MACROD2: variants seen among roughly 807,000 people sequenced by gnomAD.
The protein encoded by MACROD2 is ADP-ribose glycohydrolase MACROD2.
Under a neutral mutation model 70.4 loss-of-function variants are expected in MACROD2, and 36 were observed. The observed-to-expected ratio is 0.51, with a 90% CI of 0.39 to 0.68. The LOEUF (loss-of-function observed/expected upper bound fraction) is 0.68. Ranked by LOEUF, MACROD2 falls within the 30% of genes least tolerant of loss-of-function variation. MACROD2 has a pLI of 0.00. For synonymous variants in MACROD2, 172 were observed against 178.8 expected, an observed-to-expected ratio of 0.96 and a Z score of 0.30; for missense variants, 496 against 538.4, an observed-to-expected ratio of 0.92 and a Z score of 0.78.
chr20:15,152,495 A>AAGGGATCGGGGCACAGAGATAAGAGGTTT (rs1351354651), intron 5 of MACROD2, among the ~76,000 whole-genome samples: 1 of 144,494 alleles, frequency 6.9e-6, no homozygotes, highest in Non-Finnish European at 1.5e-5. Context: ...ATAAGAGGTT[A>AAGGGATCGGGGCACAGAGATAAGAGGTTT]GGGCATGGAA....
At chr20:14,892,317 C>A (rs1294402230) in intron 5 of MACROD2, among the ~76,000 whole-genome samples, 2 of 151,414 alleles carry the variant, frequency 1.3e-5, no homozygotes, top group Admixed American at 6.6e-5. Flanking sequence ...ACTAAAAATT[C>A]AAAAAAAATT....
chr20:14,005,990 T>C (rs2052813534), intron 2 of MACROD2, among the ~76,000 whole-genome samples: 1 of 152,242 alleles, frequency 6.6e-6, no homozygotes, highest in Non-Finnish European at 1.5e-5. Context: ...GTCATTGACA[T>C]CCTGCATATA....
chr20:15,958,388 A>G (rs190930398), intron 12 of MACROD2, among the ~76,000 whole-genome samples: 1 of 152,154 alleles, frequency 6.6e-6, no homozygotes, highest in East Asian at 1.9e-4. Flanking sequence ...CCAGTTATTA[A>G]GTGTTTTGAA....
chr20:14,820,398 T>C (rs1393716029), intron 5 of MACROD2, among the ~76,000 whole-genome samples: 1 of 150,020 alleles, frequency 6.7e-6, no homozygotes, highest in Non-Finnish European at 1.5e-5. Context: ...TTTAGTTTTA[T>C]AATTAAAAAG....
At chr20:14,124,146 C>CTA (rs2054617538) in intron 3 of MACROD2, among the ~76,000 whole-genome samples, 1 of 152,114 alleles carries the variant, frequency 6.6e-6, no homozygotes. Flanking sequence ...CATCCAATTC[C>CTA]TAGTGCATGC....
Position 15,529,271 on chromosome 20 carries a change from C to T in MACROD2, c.645+29424C>T, listed in dbSNP as rs58677016. 4.1e-3 allele frequency among the ~76,000 whole-genome samples: 619 copies of T among 149,522 alleles called. 4 individuals are homozygous for T. Among genetic ancestry groups the T allele is most frequent in the African/African-American group, 0.014 (558 of 40,862 alleles). On this transcript the variant is annotated intron_variant, in intron 8 of 17. Coordinates refer to ENST00000684519, the MANE Select transcript of MACROD2 (RefSeq NM_001351661.2). ...TTCTAAATATGTGCTCTGTGGGATG[C>T]GTGTGTGTGTGTGTGCATGCCTGTG...
chr20:14,615,506 A>G (rs1200072150), intron 4 of MACROD2, among the ~76,000 whole-genome samples: 3 of 152,120 alleles, frequency 2.0e-5, no homozygotes, highest in African/African-American at 7.2e-5. Context: ...TTTGATATTT[A>G]AGGATGGGTG....
chr20:15,282,900 A>T (rs1189639246), intron 6 of MACROD2, among the ~76,000 whole-genome samples: 3 of 152,162 alleles, frequency 2.0e-5, no homozygotes, highest in Non-Finnish European at 4.4e-5. Context: ...AAACTGGGTA[A>T]TTTATAAAGG....
At chr20:14,178,753 C>T (rs1447460328) in intron 3 of MACROD2, among the ~76,000 whole-genome samples, 3 of 136,602 alleles carry the variant, frequency 2.2e-5, no homozygotes, top group Non-Finnish European at 3.1e-5. Flanking sequence ...TTTTTTTGAC[C>T]GTAGTGAGGA....
Position 14,412,254 on chromosome 20 carries a change from G to A in MACROD2, c.272-81225G>A, listed in dbSNP as rs78417321. Among the ~76,000 whole-genome samples the A allele has an allele frequency of 7.2e-3, 1,101 of 152,194 alleles. 14 individuals carry two copies. Among genetic ancestry groups the A allele is most frequent in the African/African-American group, 0.025 (1,039 of 41,540 alleles). On this transcript the variant is annotated intron_variant, in intron 3 of 17. Transcript: ENST00000684519. Reference sequence around the variant, plus strand: ...GACCCTGGGCCCTTTGGGAATTCCCGTCCCCCCTAGGCCCTTCTGGAGCCA... The same window carrying A: ...GACCCTGGGCCCTTTGGGAATTCCCATCCCCCCTAGGCCCTTCTGGAGCCA...
At chr20:15,959,104 A>G (rs764799550) in intron 12 of MACROD2, among the ~76,000 whole-genome samples, 1 of 152,250 alleles carries the variant, frequency 6.6e-6, no homozygotes, top group Non-Finnish European at 1.5e-5. Flanking sequence ...ATAATAGCAG[A>G]TTAAAACAAA....
At chr20:14,113,515 G>A (rs544802593) in intron 3 of MACROD2, among the ~76,000 whole-genome samples, 1 of 152,196 alleles carries the variant, frequency 6.6e-6, no homozygotes, top group East Asian at 1.9e-4. Context: ...TAGCTTGTTA[G>A]TGTGCAATCA....
intron 3 of MACROD2, among the ~76,000 whole-genome samples, chr20:14,337,950 G>T (rs897006225): frequency 6.6e-6 from 1 of 152,134 alleles, no homozygotes; most frequent in South Asian, 2.1e-4. Context: ...GACAGGCTTT[G>T]TCTTATTTTT....
chr20:15,267,842 C>T (rs988314094), intron 6 of MACROD2, among the ~76,000 whole-genome samples: 1 of 152,136 alleles, frequency 6.6e-6, no homozygotes, highest in African/African-American at 2.4e-5. Context: ...CCTGGGTGGA[C>T]CTGGGATTCA....
intron 6 of MACROD2, among the ~76,000 whole-genome samples, chr20:15,406,598 T>C (rs2046005137): frequency 6.6e-6 from 1 of 152,230 alleles, no homozygotes; most frequent in Admixed American, 6.5e-5. Flanking sequence ...AAAATACTTT[T>C]AAAATGCCTT....
At chr20:14,919,571 T>A (rs1467988218) in intron 5 of MACROD2, among the ~76,000 whole-genome samples, 1 of 152,218 alleles carries the variant, frequency 6.6e-6, no homozygotes, top group African/African-American at 2.4e-5. Flanking sequence ...TCTTTGTTCC[T>A]TGTACTGCTT....
At chr20:15,744,840 T>C (rs1357414641) in intron 8 of MACROD2, among the ~76,000 whole-genome samples, 1 of 152,154 alleles carries the variant, frequency 6.6e-6, no homozygotes, top group East Asian at 1.9e-4. Flanking sequence ...AATTTTTTAT[T>C]TATTTTTATT....
chr20:15,605,312 CT>C (rs2048877292), intron 8 of MACROD2, among the ~76,000 whole-genome samples: 1 of 152,014 alleles, frequency 6.6e-6, no homozygotes, highest in Admixed American at 6.6e-5. Context: ...GGGCATCATT[CT>C]TTGTAATATA....
At chr20:15,396,566 C>G (rs576235075) in intron 6 of MACROD2, among the ~76,000 whole-genome samples, 36 of 152,304 alleles carry the variant, frequency 2.4e-4, no homozygotes, top group African/African-American at 8.7e-4. Context: ...AGAACAAGGA[C>G]ACCAGGGCTC....
Sources: allele counts gnomAD v4.1 joint callset (sites outside exome capture counted in the v4.1 genomes callset), GRCh38; gene constraint gnomAD v4.1.1; transcripts MANE v1.5; gene names NCBI Gene and HGNC (gene_info 2026-07-23, HGNC 2026-07-21).